SHISA6: variants seen among roughly 807,000 people sequenced by gnomAD.
SHISA6 encodes the protein protein shisa-6.
In SHISA6, 22 loss-of-function variants were observed where a neutral mutation model predicts 47.9. The ratio of observed to expected loss-of-function variants is 0.46; its 90% CI spans 0.33 to 0.66. The LOEUF is 0.66. Among genes scored for constraint, SHISA6 ranks in the 30% least tolerant of loss-of-function variants. The pLI is 0.02. For missense variants in SHISA6, 680 were observed against 764.6 expected (o/e 0.89, Z 1.30); for synonymous variants, 388 against 337.8 (o/e 1.15, Z -1.63).
intron 2 of SHISA6, 54 bp from the exon 3 acceptor site, chr17:11,379,359 TC>T: frequency 7.8e-7 from 1 of 1,287,838 alleles, no homozygotes; most frequent in Non-Finnish European, 1.1e-6. Flanking sequence ...GCTGCGCTTG[TC>T]TTCCATGTTG....
chr17:11,336,063 G>T (rs1250194525), intron 2 of SHISA6, among the ~76,000 whole-genome samples: 1 of 151,572 alleles, frequency 6.6e-6, no homozygotes, highest in Non-Finnish European at 1.5e-5. Context: ...CCAAAAACTA[G>T]CTGGGCATGG....
rs557586517 is a variant in SHISA6, at chr17:11,520,023, T to G, written c.896-31873T>G. ...CTAGACCTTTTCTCTCTCCTCTCTG[T>G]GTACACACTGTTCTTTTATCTAGGG... On this transcript the variant is annotated intron_variant, in intron 3 of 5. Coordinates refer to ENST00000441885, the MANE Select transcript of SHISA6 (RefSeq NM_207386.4). Among the ~76,000 whole-genome samples, 14 of 151,482 alleles carry G rather than the reference T, an allele frequency of 9.2e-5. No homozygotes were observed. The South Asian group carries it at 2.9e-3, about 32-fold the overall frequency.
At chr17:11,463,498 A>G (rs1915740691) in intron 3 of SHISA6, among the ~76,000 whole-genome samples, 1 of 152,222 alleles carries the variant, frequency 6.6e-6, no homozygotes. Flanking sequence ...CTCTTCTCCA[A>G]TCCCACCCTC....
chr17:11,414,202 A>G (rs1567599661), intron 3 of SHISA6, among the ~76,000 whole-genome samples: 1 of 151,694 alleles, frequency 6.6e-6, no homozygotes. Context: ...TTCTTCTGAA[A>G]TCTTTACCAG....
intron 3 of SHISA6, among the ~76,000 whole-genome samples, chr17:11,487,881 C>T (rs544220516): frequency 1.5e-3 from 229 of 152,228 alleles, no homozygotes; most frequent in Non-Finnish European, 2.5e-3. Flanking sequence ...CCGTGAGGGC[C>T]GTAAAGTGCC....
intron 3 of SHISA6, among the ~76,000 whole-genome samples, chr17:11,531,519 C>T (rs2071733265): frequency 6.6e-6 from 1 of 152,086 alleles, no homozygotes; most frequent in African/African-American, 2.4e-5. Flanking sequence ...CCAGTACCCA[C>T]AGCTGTGTGA....
At chr17:11,541,318 G>C (rs1345016101) in intron 3 of SHISA6, among the ~76,000 whole-genome samples, 3 of 152,106 alleles carry the variant, frequency 2.0e-5, no homozygotes, top group African/African-American at 7.2e-5. Context: ...TCTGAAGCCA[G>C]TTTGGGAAAC....
rs74484867 is a variant in SHISA6 at position 11,545,642 on chromosome 17, A to G, written c.896-6254A>G. Among the ~76,000 whole-genome samples the G allele has an allele frequency of 1.0e-2, 1,522 of 152,342 alleles. 40 individuals are homozygous for G. The highest frequency in any genetic ancestry group is 0.034 in the African/African-American group (1,420 of 41,580). On this transcript the variant is annotated intron_variant, in intron 3 of 5. Coordinates refer to ENST00000441885, the MANE Select transcript of SHISA6 (RefSeq NM_207386.4). ...AATAAAGACAACATTTAGCTTGCTT[A>G]TATGTCTGTGACTTGGGCCAAGTTC...
At chr17:11,478,864 A>G (rs1199329714) in intron 3 of SHISA6, among the ~76,000 whole-genome samples, 2 of 145,772 alleles carry the variant, frequency 1.4e-5, no homozygotes, top group African/African-American at 2.6e-5. Flanking sequence ...TGATGCCTCC[A>G]GCTTTGTTCT....
rs114788479 is a variant in SHISA6 at position 11,322,120 on chromosome 17, G to A, written c.800-57294G>A. Among the ~76,000 whole-genome samples the A allele has an allele frequency of 9.9e-3, 1,502 of 152,096 alleles. 30 individuals carry two copies. Among genetic ancestry groups the A allele is most frequent in the African/African-American group, 0.034 (1,408 of 41,466 alleles). On this transcript the variant is annotated intron_variant, in intron 2 of 5. Transcript: ENST00000441885. Reference sequence around the variant, plus strand: ...CTATGAGTTAACATTATTTTCATGTGCAATGTAAGGTTTTTTCAGCAGTAT... The same window carrying A: ...CTATGAGTTAACATTATTTTCATGTACAATGTAAGGTTTTTTCAGCAGTAT...
intron 3 of SHISA6, among the ~76,000 whole-genome samples, chr17:11,427,665 G>A (rs1218915282): frequency 6.6e-6 from 1 of 152,088 alleles, no homozygotes; most frequent in Non-Finnish European, 1.5e-5. Flanking sequence ...CCTCTCATGG[G>A]CTGTGTTTAT....
intron 3 of SHISA6, among the ~76,000 whole-genome samples, chr17:11,545,618 A>G (rs2071876885): frequency 6.6e-6 from 1 of 152,260 alleles, no homozygotes; most frequent in Non-Finnish European, 1.5e-5. Flanking sequence ...AAATGGTACA[A>G]TAAAGACAAC....
chr17:11,459,781 A>C (rs1341692812), intron 3 of SHISA6, among the ~76,000 whole-genome samples: 2 of 152,214 alleles, frequency 1.3e-5, no homozygotes, highest in South Asian at 2.1e-4. Flanking sequence ...ATTCAGTCAC[A>C]GAACACATCA....
chr17:11,270,520 T>C (rs1203366299), intron 2 of SHISA6, among the ~76,000 whole-genome samples: 7 of 151,996 alleles, frequency 4.6e-5, no homozygotes, highest in Non-Finnish European at 8.8e-5. Flanking sequence ...TAAATAGGAG[T>C]TGGCAAACGT....
chr17:11,423,983 T>C (rs1914532244), intron 3 of SHISA6, among the ~76,000 whole-genome samples: 1 of 152,122 alleles, frequency 6.6e-6, no homozygotes, highest in Non-Finnish European at 1.5e-5. Flanking sequence ...TCAGAAAATA[T>C]ATGTGAGGAA....
chr17:11,419,694 A>C (rs1156957284), intron 3 of SHISA6, among the ~76,000 whole-genome samples: 2 of 152,222 alleles, frequency 1.3e-5, no homozygotes, highest in Admixed American at 1.3e-4. Flanking sequence ...ACATGTAATC[A>C]GATAAAAGCA....
chr17:11,374,113 A>G (rs1299717142), intron 2 of SHISA6, among the ~76,000 whole-genome samples: 2 of 152,168 alleles, frequency 1.3e-5, no homozygotes, highest in Non-Finnish European at 2.9e-5. Flanking sequence ...ATACCTCATT[A>G]TGGTTTTAAT....
intron 2 of SHISA6, among the ~76,000 whole-genome samples, chr17:11,327,892 A>G (rs1429188982): frequency 2.0e-5 from 3 of 152,042 alleles, no homozygotes; most frequent in Non-Finnish European, 4.4e-5. Flanking sequence ...AAGTTTCCCC[A>G]TTCAGAAGCA....
At chr17:11,433,145 A>G (rs1278877204) in intron 3 of SHISA6, among the ~76,000 whole-genome samples, 1 of 152,182 alleles carries the variant, frequency 6.6e-6, no homozygotes, top group Non-Finnish European at 1.5e-5. Flanking sequence ...GGTTTGTTAC[A>G]TAGGTATACA....
Sources: allele counts gnomAD v4.1 joint callset (sites outside exome capture counted in the v4.1 genomes callset), GRCh38; gene constraint gnomAD v4.1.1; transcripts MANE v1.5; gene names NCBI Gene and HGNC (gene_info 2026-07-23, HGNC 2026-07-21).